Variants in SH3RF1 observed in about 807,000 individuals in gnomAD.
SH3RF1 encodes the protein SH3 domain containing ring finger 1.
In SH3RF1, 32 loss-of-function variants were observed where a neutral mutation model predicts 74.0. The observed-to-expected ratio is 0.43, with a 90% confidence interval of 0.33 to 0.58. The LOEUF is 0.58. Among genes scored for constraint, SH3RF1 ranks in the 20% least tolerant of loss-of-function variants. The pLI, the probability that SH3RF1 is intolerant of heterozygous loss-of-function variation, is 0.05. For missense variants in SH3RF1, 954 were observed against 1,130.9 expected (o/e 0.84, Z 2.24); for synonymous variants, 396 against 439.6 (o/e 0.90, Z 1.24).
intron 2 of SH3RF1, among the ~76,000 whole-genome samples, chr4:169,258,996 G>A (rs940115136): frequency 6.6e-6 from 1 of 151,916 alleles, no homozygotes; most frequent in Non-Finnish European, 1.5e-5. Context: ...ACATTGCTAC[G>A]GTATTATTTT....
At chr4:169,115,640 T>C (rs1485575222) in intron 10 of SH3RF1, among the ~76,000 whole-genome samples, 1 of 152,114 alleles carries the variant, frequency 6.6e-6, no homozygotes, top group Non-Finnish European at 1.5e-5. Flanking sequence ...GTAATAATAA[T>C]AGAAATAAAG....
chr4:169,156,478 G>C lies in SH3RF1; in HGVS notation c.595C>G (p.Pro199Ala). ...AAGTCATAAAGTGCTTTGCACTGAG[G>C]TGGGGGCTGAGGTAACGGTTTAATA... is the stretch of plus-strand genomic sequence containing the variant. ...QIIKPLPQPPPQCKALYDFEV... is the reference protein window; with the variant it reads ...QIIKPLPQPPAQCKALYDFEV... The change falls in exon 3 of 12, where the codon CCT becomes GCT. Residue 199 changes from proline to alanine, a missense_variant. Transcript: ENST00000284637. 1 of 1,613,884 alleles carries C rather than the reference G, an allele frequency of 6.2e-7. No individual in the cohort carries two copies. The highest frequency in any genetic ancestry group is 8.5e-7 in the Non-Finnish European group (1 of 1,179,808).
At chr4:169,268,334 C>T (rs1016076213) in intron 2 of SH3RF1, among the ~76,000 whole-genome samples, 2 of 152,178 alleles carry the variant, frequency 1.3e-5, no homozygotes, top group African/African-American at 4.8e-5. Context: ...CGAGTAAATT[C>T]TGTGCTGTGT....
At chr4:169,130,781 A>G (rs1733606364) in intron 5 of SH3RF1, among the ~76,000 whole-genome samples, 1 of 152,182 alleles carries the variant, frequency 6.6e-6, no homozygotes, top group African/African-American at 2.4e-5. Context: ...CCCAAGATTA[A>G]TTTACTAGAA....
chr4:169,162,986 C>T (rs1734174541), intron 2 of SH3RF1, among the ~76,000 whole-genome samples: 1 of 152,084 alleles, frequency 6.6e-6, no homozygotes, highest in African/African-American at 2.4e-5. Context: ...TCCACCATCG[C>T]TAATGGAGTG....
In SH3RF1 at chr4:169,096,326, A is replaced by G. The variant is rs1053562449; in HGVS notation, c.*193T>C. On this transcript the variant is annotated 3_prime_UTR_variant, in exon 12 of 12. Transcript: ENST00000284637. ...GCACACCTTATACATCCGAATCCAG[A>G]CTAACAAAACCCACACAAACATCTT... The G allele has an allele frequency of 1.0e-5, 6 of 594,490 alleles. No homozygotes were observed. The highest frequency in any genetic ancestry group is 1.9e-5 in the African/African-American group (1 of 53,444). 36.8% of individuals were successfully genotyped at this position (594,490 alleles called of 1,614,324 possible). A position where few individuals can be genotyped will look rare whatever the true frequency, so the allele number is the denominator to read the frequency against.
At chr4:169,264,786 T>C (rs1731327845) in intron 2 of SH3RF1, among the ~76,000 whole-genome samples, 1 of 152,238 alleles carries the variant, frequency 6.6e-6, no homozygotes, top group South Asian at 2.1e-4. Context: ...TGATGCCTTC[T>C]ACATTATCAA....
intron 6 of SH3RF1, among the ~76,000 whole-genome samples, chr4:169,127,239 G>A (rs544590699): frequency 2.0e-5 from 3 of 152,094 alleles, no homozygotes; most frequent in South Asian, 2.1e-4. Context: ...TTATAACTTC[G>A]TTCTGCATAA....
At chr4:169,112,623 C>T (rs1220564972) in intron 10 of SH3RF1, among the ~76,000 whole-genome samples, 1 of 152,154 alleles carries the variant, frequency 6.6e-6, no homozygotes, top group Admixed American at 6.6e-5. Context: ...GATGTGATCT[C>T]CCAGGGAGCA....
At chr4:169,250,610 C>G (rs2174749) in intron 2 of SH3RF1, among the ~76,000 whole-genome samples, 145,727 of 152,306 alleles carry the variant, frequency 0.96, 70,038 homozygotes, top group East Asian at 1. Flanking sequence ...CAGTGTTCTA[C>G]CTGCTGGGGA....
chr4:169,211,253 C>T lies in SH3RF1; in HGVS notation c.394-54574G>A, dbSNP rs200485669. 2.6e-4 allele frequency among the ~76,000 whole-genome samples: 40 copies of T among 152,108 alleles called. 1 individual carries two copies. The East Asian group carries it at 4.5e-3, about 17-fold the overall frequency. ...ATCCCAGCACTTTGGGAGGCCAAGG[C>T]GGGCAGATCATGAGTTCAGGAGATC... On this transcript the variant is annotated intron_variant, in intron 2 of 11. Coordinates refer to ENST00000284637, the MANE Select transcript of SH3RF1 (RefSeq NM_020870.4).
intron 6 of SH3RF1, 73 bp from the exon 7 acceptor site, chr4:169,122,339 G>A: frequency 6.9e-7 from 1 of 1,452,746 alleles, no homozygotes; most frequent in Non-Finnish European, 9.3e-7. Context: ...CCTATGGAAG[G>A]TGGGAGAGAA....
chr4:169,218,494 A>C (rs1010547273), intron 2 of SH3RF1, among the ~76,000 whole-genome samples: 1 of 146,038 alleles, frequency 6.8e-6, no homozygotes, highest in Non-Finnish European at 1.5e-5. Flanking sequence ...TTTTATATAT[A>C]GTATATATAT....
At chr4:169,165,640 G>GA (rs1016228783) in intron 2 of SH3RF1, among the ~76,000 whole-genome samples, 1 of 132,412 alleles carries the variant, frequency 7.6e-6, no homozygotes, top group Non-Finnish European at 1.6e-5. Flanking sequence ...AAAAAGGCGG[G>GA]GGGGGGAGTC....
At chr4:169,145,998 C>T (rs145006915) in intron 4 of SH3RF1, among the ~76,000 whole-genome samples, 4 of 88,538 alleles carry the variant, frequency 4.5e-5, no homozygotes, top group East Asian at 2.8e-4. Flanking sequence ...TAAAATATTA[C>T]ATATTCTATA....
chr4:169,143,517 G>A (rs1376061732), intron 4 of SH3RF1, among the ~76,000 whole-genome samples: 2 of 151,964 alleles, frequency 1.3e-5, no homozygotes, highest in Non-Finnish European at 2.9e-5. Flanking sequence ...CTGTGCTCCC[G>A]AGGCTCATTA....
chr4:169,242,300 T>G (rs1041628336), intron 2 of SH3RF1, among the ~76,000 whole-genome samples: 2 of 152,230 alleles, frequency 1.3e-5, no homozygotes. Context: ...ATACCACTTA[T>G]GCAGCGACCC....
chr4:169,242,565 G>A (rs947238519), intron 2 of SH3RF1, among the ~76,000 whole-genome samples: 42 of 152,232 alleles, frequency 2.8e-4, no homozygotes, highest in African/African-American at 9.6e-4. Flanking sequence ...GATCTGAGGT[G>A]GGGCCCAGAT....
chr4:169,129,843 C>G (rs1733583325), intron 6 of SH3RF1, among the ~76,000 whole-genome samples: 1 of 152,112 alleles, frequency 6.6e-6, no homozygotes, highest in Non-Finnish European at 1.5e-5. Context: ...GCCACTGATC[C>G]TCACTGTTAA....
Sources: allele counts gnomAD v4.1 joint callset (sites outside exome capture counted in the v4.1 genomes callset), GRCh38; gene constraint gnomAD v4.1.1; transcripts MANE v1.5; gene names NCBI Gene and HGNC (gene_info 2026-07-23, HGNC 2026-07-21).